Variants in SLAMF9 observed in about 807,000 individuals in gnomAD.
SLAMF9 encodes the protein CD2 family member 10.
In SLAMF9, 25 loss-of-function variants were observed where a neutral mutation model predicts 30.4. The ratio of observed to expected loss-of-function variants is 0.82; its 90% CI spans 0.60 to 1.15. The LOEUF (loss-of-function observed/expected upper bound fraction) is 1.15, where lower values mean the gene tolerates loss of function less well. SLAMF9 is among the 50% of genes most tolerant of loss of function. The pLI, the probability that SLAMF9 is intolerant of heterozygous loss-of-function variation, is 0.00. For synonymous variants in SLAMF9, 129 were observed against 127.2 expected (o/e 1.01, Z -0.09); for missense variants, 344 against 346.1 (o/e 0.99, Z 0.05).
chr1:159,956,167 C>T (rs1651919009), upstream of SLAMF9, among the ~76,000 whole-genome samples: 1 of 152,140 alleles, frequency 6.6e-6, no homozygotes, highest in Non-Finnish European at 1.5e-5. Flanking sequence ...TACTATCCAT[C>T]CTTAAACAAA....
the SLAMF9 span, chr1:159,973,310 A>T: frequency 1.6e-6 from 1 of 632,508 alleles, no homozygotes; most frequent in Non-Finnish European, 2.8e-6. Context: ...AGGGCTCAGG[A>T]GGGGAGTCCT....
the SLAMF9 span, among the ~76,000 whole-genome samples, chr1:159,960,616 C>T: frequency 3.9e-5 from 6 of 152,098 alleles, no homozygotes; most frequent in Non-Finnish European, 8.8e-5. Context: ...CAGGCGCATG[C>T]TACTACGCCT....
At chr1:159,962,003 C>T in the SLAMF9 span, among the ~76,000 whole-genome samples, 1 of 151,938 alleles carries the variant, frequency 6.6e-6, no homozygotes, top group East Asian at 1.9e-4. Context: ...ACTAAGAATA[C>T]AAAAATTAGC....
chr1:159,955,730 G>A (rs1276817984), upstream of SLAMF9, among the ~76,000 whole-genome samples: 5 of 152,186 alleles, frequency 3.3e-5, no homozygotes, highest in African/African-American at 9.7e-5. Flanking sequence ...ATAATAAGGC[G>A]ATTTGGCAAA....
the SLAMF9 span, chr1:159,983,472 G>A: frequency 2.0e-5 from 3 of 152,172 alleles, no homozygotes; most frequent in African/African-American, 7.2e-5. Flanking sequence ...TTCCCCCGAG[G>A]AGTGGATTTC....
Position 159,952,544 on chromosome 1 carries a change from G to A in SLAMF9, c.392-10C>T. The A allele has an allele frequency of 6.2e-7, 1 of 1,612,628 alleles. No individual in the cohort carries two copies. The highest frequency in any genetic ancestry group is 1.1e-5 in the South Asian group (1 of 91,054). On this transcript the variant is annotated splice_polypyrimidine_tract_variant and intron_variant, in intron 2 of 3. Coordinates refer to ENST00000368093, the MANE Select transcript of SLAMF9 (RefSeq NM_033438.4). ...GGCTCTGACAGCCATCCTGGATGAAGGGGAAACACAAAGACCCTCTAAACA... is the reference window on the plus strand; with the variant it reads ...GGCTCTGACAGCCATCCTGGATGAAAGGGAAACACAAAGACCCTCTAAACA...
the SLAMF9 span, among the ~76,000 whole-genome samples, chr1:159,971,012 A>G: frequency 6.6e-6 from 1 of 152,202 alleles, no homozygotes; most frequent in Admixed American, 6.5e-5. Context: ...TACACACACA[A>G]TATTTCCAAC....
upstream of SLAMF9, among the ~76,000 whole-genome samples, chr1:159,956,419 T>C (rs1348705205): frequency 6.6e-6 from 1 of 151,996 alleles, no homozygotes; most frequent in Admixed American, 6.6e-5. Flanking sequence ...CAGTGAGCTA[T>C]GATCATGCCA....
Position 159,952,348 on chromosome 1 carries a change from TC to T in SLAMF9, c.577del (p.Asp193ThrfsTer56), listed in dbSNP as rs747840319. The T allele has an allele frequency of 6.2e-6, 10 of 1,613,876 alleles. No individual in the cohort carries two copies. Among genetic ancestry groups the T allele is most frequent in the Non-Finnish European group, 7.6e-6 (9 of 1,179,952 alleles). On this transcript the variant is annotated frameshift_variant, in exon 3 of 4. Coordinates refer to ENST00000368093, the MANE Select transcript of SLAMF9 (RefSeq NM_033438.4). LOFTEE classifies it high-confidence loss of function. The stretch of plus-strand genomic sequence containing the variant: ...TCTGCAGGTGTAGGAGAGGGCACTG[TC>T]CCCCGGCCTCCAGGATGTGCTGAGG... ...PVLSTSWRPG[D>X]SALSYTCRAN... is the part of the protein sequence containing the mutation.
At chr1:159,955,933 G>T (rs759162366), upstream of SLAMF9, among the ~76,000 whole-genome samples, 3 of 152,218 alleles carry the variant, frequency 2.0e-5, no homozygotes, top group East Asian at 5.8e-4. Flanking sequence ...TTCAGTCTGA[G>T]TATAAAACGT....
chr1:159,952,233 C>A, intron 3 of SLAMF9, 29 bp downstream of exon 3: 1 of 1,611,868 alleles, frequency 6.2e-7, no homozygotes, highest in Non-Finnish European at 8.5e-7. Context: ...CTTTCATGAG[C>A]TCAGGGGGTG....
the SLAMF9 span, among the ~76,000 whole-genome samples, chr1:159,970,037 G>A: frequency 1.3e-5 from 2 of 152,086 alleles, no homozygotes; most frequent in East Asian, 3.8e-4. Context: ...TCCAGTGTGG[G>A]TGACAGAGCA....
the SLAMF9 span, among the ~76,000 whole-genome samples, chr1:159,965,077 A>C: frequency 6.6e-6 from 1 of 152,252 alleles, no homozygotes; most frequent in Non-Finnish European, 1.5e-5. Flanking sequence ...TGACATATAA[A>C]ATTAGCCATT....
chr1:159,953,353 G>A lies in SLAMF9; in HGVS notation c.347C>T (p.Thr116Ile), dbSNP rs767754406. 8 of 1,613,144 alleles carry A rather than the reference G, an allele frequency of 5.0e-6. No homozygotes were observed. In the Admixed American group the frequency reaches 1.3e-4, roughly 27 times the overall value. ...CTGCTGCATGGTAGAGATCTGGGAT[G>A]TTCTCAGGTTGACTTGAGCTTGGTA... ...GLYQAQVNLR[T>I]SQISTMQQYN... Residue 116 changes from threonine to isoleucine, a missense_variant, in exon 2 of 4, where the codon ACA becomes ATA. Coordinates refer to ENST00000368093, the MANE Select transcript of SLAMF9 (RefSeq NM_033438.4).
chr1:159,963,947 C>G, the SLAMF9 span, among the ~76,000 whole-genome samples: 1 of 152,168 alleles, frequency 6.6e-6, no homozygotes, highest in African/African-American at 2.4e-5. Context: ...GTAATCCCAG[C>G]TACTCATGAG....
upstream of SLAMF9, chr1:159,954,271 T>G: frequency 5.2e-6 from 5 of 957,880 alleles, no homozygotes; most frequent in Non-Finnish European, 7.8e-6. Context: ...AATTTTCCCC[T>G]GACTACAGCC....
the SLAMF9 span, among the ~76,000 whole-genome samples, chr1:159,966,428 TA>T: frequency 4.6e-5 from 7 of 152,218 alleles, no homozygotes; most frequent in African/African-American, 1.4e-4. Flanking sequence ...GAGTTCATGT[TA>T]AAGGGATATC....
the SLAMF9 span, chr1:159,973,228 C>G: frequency 8.8e-7 from 1 of 1,140,092 alleles, no homozygotes; most frequent in Non-Finnish European, 1.3e-6. Context: ...ACCAGGCTTC[C>G]CTCTTAGGGC....
the SLAMF9 span, chr1:159,974,005 A>G: frequency 5.4e-5 from 87 of 1,606,416 alleles, 1 homozygote; most frequent in South Asian, 5.8e-4. Flanking sequence ...CCCTGACATC[A>G]CAGAGTCAGG....
Sources: gnomAD v4.1 joint callset for allele counts (sites outside exome capture counted in the v4.1 genomes callset) on GRCh38, gnomAD v4.1.1 for gene constraint, MANE v1.5 for transcripts, NCBI Gene and HGNC (gene_info 2026-07-23, HGNC 2026-07-21) for gene names.